The following CHODL variants were observed in gnomAD, a reference collection of about 807,000 sequenced individuals.
CHODL encodes transmembrane protein MT75.
CHODL carries 29 observed loss-of-function variants against 34.5 expected under a neutral mutation model. The observed-to-expected ratio is 0.84, with a 90% CI of 0.63 to 1.15. The LOEUF is 1.15. CHODL is among the 50% of genes most tolerant of loss of function. The probability of loss-of-function intolerance (pLI) is 0.00; values close to 1 mark genes in which losing one functional copy is unlikely to be tolerated. For missense variants in CHODL, 332 were observed against 332.5 expected, an observed-to-expected ratio of 1.00 and a Z score of 0.01; for synonymous variants, 125 against 116.1, an observed-to-expected ratio of 1.08 and a Z score of -0.49.
chr21:17,999,675 T>C (rs910655540), intron 1 of CHODL, among the ~76,000 whole-genome samples: 4 of 152,318 alleles, frequency 2.6e-5, no homozygotes, highest in African/African-American at 9.6e-5. Flanking sequence ...ATGAGACTTA[T>C]TCACTATCAC....
At chr21:18,082,480 G>A (rs1469029676) in intron 2 of CHODL, among the ~76,000 whole-genome samples, 1 of 152,182 alleles carries the variant, frequency 6.6e-6, no homozygotes, top group Non-Finnish European at 1.5e-5. Flanking sequence ...GTAATGGGTA[G>A]AGGTTGCAAG....
intron 2 of CHODL, among the ~76,000 whole-genome samples, chr21:18,223,426 A>G (rs73204818): frequency 0.05 from 7,607 of 152,270 alleles, 217 homozygotes; most frequent in Non-Finnish European, 0.06. Context: ...GCCTCCTAGG[A>G]GAAATGGTCC....
At chr21:18,042,198 G>C (rs1047174058) in intron 2 of CHODL, among the ~76,000 whole-genome samples, 5 of 151,852 alleles carry the variant, frequency 3.3e-5, no homozygotes. Context: ...TATTTTAGAA[G>C]GGGAGACAAT....
intron 1 of CHODL, among the ~76,000 whole-genome samples, chr21:17,940,698 A>AT (rs2063355630): frequency 6.6e-6 from 1 of 152,244 alleles, no homozygotes; most frequent in African/African-American, 2.4e-5. Context: ...ATTTAAAAGA[A>AT]TGCGTAGCAT....
At chr21:17,940,757 G>A (rs962030459) in intron 1 of CHODL, among the ~76,000 whole-genome samples, 6 of 152,128 alleles carry the variant, frequency 3.9e-5, no homozygotes, top group Admixed American at 1.3e-4. Flanking sequence ...TTGTGAGCAG[G>A]GTAGAAGCTC....
intron 2 of CHODL, among the ~76,000 whole-genome samples, chr21:18,093,671 T>C (rs147954530): frequency 6.6e-6 from 1 of 152,274 alleles, no homozygotes; most frequent in African/African-American, 2.4e-5. Context: ...CAGTTTAAAA[T>C]AATAGATTAT....
chr21:17,945,777 A>C (rs901318230), intron 1 of CHODL, among the ~76,000 whole-genome samples: 1 of 152,236 alleles, frequency 6.6e-6, no homozygotes, highest in Non-Finnish European at 1.5e-5. Context: ...ATTAATTCAA[A>C]GAGGAGTATA....
At chr21:17,921,313 A>C (rs577699283) in intron 1 of CHODL, among the ~76,000 whole-genome samples, 1 of 152,316 alleles carries the variant, frequency 6.6e-6, no homozygotes, top group East Asian at 1.9e-4. Context: ...TATGGAGGGC[A>C]ATCTTCTTTA....
At chr21:18,151,022 G>T (rs1244293881) in intron 2 of CHODL, among the ~76,000 whole-genome samples, 2 of 149,682 alleles carry the variant, frequency 1.3e-5, no homozygotes, top group African/African-American at 5.0e-5. Context: ...GATGGAGCTT[G>T]CAGTGAGCCG....
intron 1 of CHODL, among the ~76,000 whole-genome samples, chr21:17,923,183 T>A (rs1179026537): frequency 6.6e-6 from 1 of 152,144 alleles, no homozygotes; most frequent in Non-Finnish European, 1.5e-5. Flanking sequence ...GCTTGACTTT[T>A]CCCTTTAGCT....
At chr21:18,121,965 G>A (rs780620517) in intron 2 of CHODL, among the ~76,000 whole-genome samples, 1 of 151,996 alleles carries the variant, frequency 6.6e-6, no homozygotes, top group African/African-American at 2.4e-5. Flanking sequence ...TCAGTGCCAG[G>A]CACTTTGTAA....
At chr21:18,135,343 G>T (rs901781618) in intron 2 of CHODL, among the ~76,000 whole-genome samples, 5 of 151,706 alleles carry the variant, frequency 3.3e-5, no homozygotes, top group Non-Finnish European at 5.9e-5. Context: ...ATGAGTTATT[G>T]ATTTTTTTTT....
chr21:18,256,858 A>T, intron 2 of CHODL, 40 bp downstream of exon 2: 2 of 1,591,614 alleles, frequency 1.3e-6, no homozygotes, highest in Non-Finnish European at 1.7e-6. Flanking sequence ...TGCTCTGGGG[A>T]ACTCCAAAGA....
At chr21:18,265,478 T>C (rs2074447838) in intron 5 of CHODL, among the ~76,000 whole-genome samples, 1 of 151,926 alleles carries the variant, frequency 6.6e-6, no homozygotes, top group African/African-American at 2.4e-5. Context: ...GCTATGATGA[T>C]GCAAAGGCAT....
At chr21:17,936,030 T>G (rs1350176333) in intron 1 of CHODL, among the ~76,000 whole-genome samples, 1 of 151,732 alleles carries the variant, frequency 6.6e-6, no homozygotes, top group African/African-American at 2.4e-5. Flanking sequence ...CAGCTTGAAT[T>G]GCAGGGTGAA....
chr21:18,157,037 G>A (rs186767014), intron 2 of CHODL, among the ~76,000 whole-genome samples: 34 of 152,260 alleles, frequency 2.2e-4, no homozygotes, highest in Middle Eastern at 3.4e-3. Context: ...TAAGTGTTGC[G>A]GCGAAGAAGG....
At chr21:18,004,160 G>T (rs1245261312) in intron 1 of CHODL, among the ~76,000 whole-genome samples, 1 of 152,146 alleles carries the variant, frequency 6.6e-6, no homozygotes, top group Non-Finnish European at 1.5e-5. Context: ...GGCCTTAAAA[G>T]AGTCAAATGG....
chr21:18,143,875 A>G (rs2072832972), intron 2 of CHODL, among the ~76,000 whole-genome samples: 1 of 152,100 alleles, frequency 6.6e-6, no homozygotes, highest in Admixed American at 6.5e-5. Context: ...AAAATTATAT[A>G]TTCGACATTT....
At chr21:18,233,999 A>G (rs1188044199) in intron 2 of CHODL, among the ~76,000 whole-genome samples, 1 of 152,180 alleles carries the variant, frequency 6.6e-6, no homozygotes, top group African/African-American at 2.4e-5. Context: ...ATGAATCAAT[A>G]GAGCATTAAC....
Sources: allele counts gnomAD v4.1 joint callset (sites outside exome capture counted in the v4.1 genomes callset), GRCh38; gene constraint gnomAD v4.1.1; transcripts MANE v1.5; gene names NCBI Gene and HGNC (gene_info 2026-07-23, HGNC 2026-07-21).